The following FNDC3B variants were observed in gnomAD, a reference collection of about 807,000 sequenced individuals.
FNDC3B encodes the protein fibronectin type III domain-containing protein 3B.
Under a neutral mutation model 151.5 loss-of-function variants are expected in FNDC3B, and 12 were observed. That is an observed-to-expected ratio of 0.08 (90% CI 0.05 to 0.13). FNDC3B has a LOEUF of 0.13. FNDC3B is among the 10% of genes least tolerant of loss of function. FNDC3B has a pLI of 1.00. For synonymous variants in FNDC3B, 528 were observed against 549.0 expected (o/e 0.96, Z 0.54); for missense variants, 1,214 against 1,505.3 (o/e 0.81, Z 3.20).
chr3:172,340,894 T>C (rs567252801), intron 16 of FNDC3B, among the ~76,000 whole-genome samples: 19 of 152,320 alleles, frequency 1.2e-4, no homozygotes, highest in Middle Eastern at 3.4e-3. Flanking sequence ...ATTGTGGTGA[T>C]AATAGGTAGT....
At chr3:172,308,714 A>G (rs981531573) in intron 10 of FNDC3B, among the ~76,000 whole-genome samples, 1 of 152,048 alleles carries the variant, frequency 6.6e-6, no homozygotes, top group South Asian at 2.1e-4. Context: ...GAACTATTTT[A>G]TTTTCCTTCC....
intron 9 of FNDC3B, among the ~76,000 whole-genome samples, chr3:172,305,352 CCATT>C: frequency 6.6e-6 from 1 of 152,116 alleles, no homozygotes; most frequent in African/African-American, 2.4e-5. Context: ...ATATTTTAAT[CCATT>C]CATTTTTCCC....
rs555732629 is a variant in FNDC3B, at chr3:172,296,232, T to G, written c.1001+718T>G. The stretch of plus-strand genomic sequence containing the variant: ...GCCTCCCTGTGAGTGGACCCTCCAG[T>G]GACTGCCCGTGCCCAGGGTAATAAT... On this transcript the variant is annotated intron_variant, in intron 8 of 25. Coordinates refer to ENST00000415807, the MANE Select transcript of FNDC3B (RefSeq NM_022763.4). 2.6e-5 allele frequency among the ~76,000 whole-genome samples: 4 copies of G among 152,370 alleles called. No individual in the cohort carries two copies. In the East Asian group the frequency reaches 7.7e-4, roughly 29 times the overall value.
At chr3:172,250,133 A>G (rs1370399292) in intron 5 of FNDC3B, among the ~76,000 whole-genome samples, 4 of 152,160 alleles carry the variant, frequency 2.6e-5, no homozygotes, top group Admixed American at 2.6e-4. Flanking sequence ...TTTTGAACTG[A>G]TTTAAAAATT....
At position 172,195,533 on chromosome 3, in the gene FNDC3B, AGTT is replaced by A. The variant is rs376279363; in HGVS notation, c.188-31335_188-31333del. Among the ~76,000 whole-genome samples the A allele has an allele frequency of 4.0e-3, 616 of 152,372 alleles. 3 individuals carry two copies. Among genetic ancestry groups the A allele is most frequent in the African/African-American group, 0.014 (583 of 41,592 alleles). ...CACAACACACGTTAAGAATCTGAGA[AGTT>A]GTGCTGCTGTTAATTTTGTGTAACT... On this transcript the variant is annotated intron_variant, in intron 3 of 25. Transcript: ENST00000415807.
At chr3:172,347,017 A>T (rs1241355060) in intron 20 of FNDC3B, among the ~76,000 whole-genome samples, 195 bp from the exon 21 acceptor site, 1 of 152,126 alleles carries the variant, frequency 6.6e-6, no homozygotes, top group East Asian at 1.9e-4. Flanking sequence ...TTTTATTTTT[A>T]AATTTCTAAA....
intron 3 of FNDC3B, among the ~76,000 whole-genome samples, chr3:172,182,392 A>G (rs570028621): frequency 6.6e-6 from 1 of 152,324 alleles, no homozygotes; most frequent in Admixed American, 6.5e-5. Flanking sequence ...GTGGTATGCT[A>G]GACACCAACA....
At chr3:172,150,010 G>A (rs1040892867) in intron 3 of FNDC3B, among the ~76,000 whole-genome samples, 2 of 151,514 alleles carry the variant, frequency 1.3e-5, no homozygotes, top group African/African-American at 4.9e-5. Flanking sequence ...GTAGAGACAG[G>A]GTTTCACCAT....
At chr3:172,264,822 G>A (rs1728836819) in intron 6 of FNDC3B, among the ~76,000 whole-genome samples, 2 of 152,264 alleles carry the variant, frequency 1.3e-5, no homozygotes, top group South Asian at 4.1e-4. Context: ...TATGTTACAA[G>A]CTCATTGAGT....
intron 3 of FNDC3B, among the ~76,000 whole-genome samples, chr3:172,215,939 CA>C (rs201238272): frequency 0.025 from 3,752 of 152,126 alleles, 70 homozygotes; most frequent in Middle Eastern, 0.058. Context: ...TAGAGGATAC[CA>C]CTAGGAGTCA....
At chr3:172,226,323 A>AG (rs10666518) in intron 3 of FNDC3B, among the ~76,000 whole-genome samples, 2 of 150,206 alleles carry the variant, frequency 1.3e-5, no homozygotes, top group East Asian at 1.9e-4. Flanking sequence ...AAAAAAAAAA[A>AG]TGTATTCTTT....
chr3:172,252,352 C>T (rs1042553000), intron 6 of FNDC3B, among the ~76,000 whole-genome samples: 1 of 151,954 alleles, frequency 6.6e-6, no homozygotes, highest in Non-Finnish European at 1.5e-5. Flanking sequence ...AAAACAAAGA[C>T]TTGAACAACT....
chr3:172,128,132 T>C (rs1352369040), intron 2 of FNDC3B, among the ~76,000 whole-genome samples: 2 of 152,208 alleles, frequency 1.3e-5, no homozygotes, highest in African/African-American at 4.8e-5. Context: ...CTACAATGTG[T>C]ACCCTTGGAC....
chr3:172,192,473 C>T lies in FNDC3B; in HGVS notation c.188-34398C>T, dbSNP rs115540233. On this transcript the variant is annotated intron_variant, in intron 3 of 25. Coordinates refer to ENST00000415807, the MANE Select transcript of FNDC3B (RefSeq NM_022763.4). ...GTGCTAGGATTACAGGTGTGAGCCA[C>T]CGCGCCTGGCTGGTATGGTCTTTAA... 9.8e-3 allele frequency among the ~76,000 whole-genome samples: 1,489 copies of T among 152,084 alleles called. 25 individuals are homozygous for T. Among genetic ancestry groups the T allele is most frequent in the African/African-American group, 0.035 (1,445 of 41,464 alleles).
intron 1 of FNDC3B, among the ~76,000 whole-genome samples, chr3:172,072,315 G>C (rs2108488211): frequency 6.6e-6 from 1 of 151,652 alleles, no homozygotes; most frequent in African/African-American, 2.4e-5. Flanking sequence ...GAGTTTGAGA[G>C]ACCTGGGAGA....
intron 25 of FNDC3B, among the ~76,000 whole-genome samples, chr3:172,386,583 AT>A (rs1445273420): frequency 6.6e-6 from 1 of 152,034 alleles, no homozygotes; most frequent in Non-Finnish European, 1.5e-5. Flanking sequence ...TCTACTAAAA[AT>A]ACAAAAAATT....
At chr3:172,162,287 T>G (rs1722818206) in intron 3 of FNDC3B, among the ~76,000 whole-genome samples, 1 of 152,188 alleles carries the variant, frequency 6.6e-6, no homozygotes, top group South Asian at 2.1e-4. Flanking sequence ...CCTCTTAGCA[T>G]AATTTTTAAG....
chr3:172,287,471 C>A (rs973598663), intron 7 of FNDC3B, among the ~76,000 whole-genome samples: 3 of 152,014 alleles, frequency 2.0e-5, no homozygotes, highest in Admixed American at 2.0e-4. Flanking sequence ...GCTTTGCAGA[C>A]GGGGGTGCAG....
At chr3:172,246,238 G>C (rs534538083) in intron 4 of FNDC3B, among the ~76,000 whole-genome samples, 1 of 150,900 alleles carries the variant, frequency 6.6e-6, no homozygotes, top group Non-Finnish European at 1.5e-5. Context: ...GTGCCCGATC[G>C]TGCATTTGAT....
Sources: allele counts gnomAD v4.1 joint callset (sites outside exome capture counted in the v4.1 genomes callset), GRCh38; gene constraint gnomAD v4.1.1; transcripts MANE v1.5; gene names NCBI Gene and HGNC (gene_info 2026-07-23, HGNC 2026-07-21).